The following B4GALT1 variants were observed in gnomAD, a reference collection of about 807,000 sequenced individuals.
B4GALT1 encodes the protein N-acetyllactosamine synthase.
In B4GALT1, 16 loss-of-function variants were observed where a neutral mutation model predicts 34.9. That is an observed-to-expected ratio of 0.46 (90% confidence interval 0.31 to 0.70). B4GALT1 has a LOEUF of 0.70. Ranked by LOEUF, B4GALT1 falls within the 30% of genes least tolerant of loss-of-function variation. The pLI is 0.05. For synonymous variants in B4GALT1, 221 were observed against 218.1 expected, an observed-to-expected ratio of 1.01 and a Z score of -0.12; for missense variants, 445 against 530.5, an observed-to-expected ratio of 0.84 and a Z score of 1.58.
chr9:33,174,984 AAAAAAAATATATATATATAT>A, the B4GALT1 span, among the ~76,000 whole-genome samples: 1 of 14,880 alleles, frequency 6.7e-5, no homozygotes, highest in Non-Finnish European at 1.5e-4. Context: ...AAAAAAAAAA[AAAAAAAATATATATATATAT>A]ATATATATAT....
chr9:33,175,255 G>A, the B4GALT1 span, among the ~76,000 whole-genome samples: 7 of 151,376 alleles, frequency 4.6e-5, no homozygotes, highest in Admixed American at 4.6e-4. Flanking sequence ...TGAAGTTATA[G>A]TAAGCTATGA....
At chr9:33,152,600 G>A (rs1027553458) in intron 1 of B4GALT1, among the ~76,000 whole-genome samples, 4 of 151,516 alleles carry the variant, frequency 2.6e-5, no homozygotes, top group African/African-American at 4.8e-5. Context: ...AAGTCAGCTG[G>A]GCACAGTGGC....
downstream of B4GALT1, among the ~76,000 whole-genome samples, chr9:33,108,516 G>A (rs1276146138): frequency 6.6e-6 from 1 of 151,882 alleles, no homozygotes; most frequent in African/African-American, 2.4e-5. Context: ...CAAGTCATTT[G>A]CTCATGGTCA....
chr9:33,119,131 C>T (rs185040422), intron 3 of B4GALT1, among the ~76,000 whole-genome samples: 244 of 152,074 alleles, frequency 1.6e-3, no homozygotes, highest in African/African-American at 5.5e-3. Flanking sequence ...CAAAGTGCTG[C>T]GATTACAGGC....
intron 4 of B4GALT1, 36 bp downstream of exon 4, chr9:33,115,955 G>A (rs1266872515): frequency 6.2e-7 from 1 of 1,600,084 alleles, no homozygotes. Context: ...AGTGAAGGTT[G>A]ACAGAGGAGA....
chr9:33,183,550 C>T, the B4GALT1 span, among the ~76,000 whole-genome samples: 28 of 135,710 alleles, frequency 2.1e-4, no homozygotes, highest in East Asian at 8.7e-4. Context: ...AACGAAACAC[C>T]GCATATTCTC....
chr9:33,147,351 G>A (rs1234346887), intron 1 of B4GALT1, among the ~76,000 whole-genome samples: 2 of 149,782 alleles, frequency 1.3e-5, no homozygotes, highest in Admixed American at 1.3e-4. Context: ...AGGTTCAAGT[G>A]ATTCTCCCGC....
In B4GALT1 at chr9:33,116,124, A is replaced by G. The variant is rs896658619; in HGVS notation, c.837-11T>C. On this transcript the variant is annotated splice_polypyrimidine_tract_variant and intron_variant, in intron 3 of 5. Transcript: ENST00000379731. Reference sequence around the variant, plus strand: ...TGAACATAAGGTAGGCTGGAGGAAAAACATACACACAGAAGGAGCAGTGGT... The same window carrying G: ...TGAACATAAGGTAGGCTGGAGGAAAGACATACACACAGAAGGAGCAGTGGT... 6.2e-7 allele frequency: 1 copy of G among 1,611,984 alleles called. No homozygotes were observed. The highest frequency in any genetic ancestry group is 8.5e-7 in the Non-Finnish European group (1 of 1,178,766).
chr9:33,152,570 G>A (rs1840536705), intron 1 of B4GALT1, among the ~76,000 whole-genome samples: 1 of 150,958 alleles, frequency 6.6e-6, no homozygotes, highest in Admixed American at 6.6e-5. Flanking sequence ...AAAAAAAAAG[G>A]GTTAAAAAAA....
chr9:33,140,263 G>A (rs1268374931), intron 1 of B4GALT1, among the ~76,000 whole-genome samples: 2 of 152,196 alleles, frequency 1.3e-5, no homozygotes, highest in Admixed American at 6.5e-5. Flanking sequence ...CCAGTGGGTC[G>A]AAAGAAGCGT....
rs1181807757 is a variant in B4GALT1, at chr9:33,167,313, C to G, written c.-144G>C. The G allele has an allele frequency of 1.8e-6, 2 of 1,100,930 alleles. No homozygotes were observed. The highest frequency in any genetic ancestry group is 1.7e-5 in the African/African-American group (1 of 59,866). 68.2% of individuals were successfully genotyped at this position (1,100,930 alleles called of 1,614,324 possible). On this transcript the variant is annotated 5_prime_UTR_variant, in exon 1 of 6. Coordinates refer to ENST00000379731, the MANE Select transcript of B4GALT1 (RefSeq NM_001497.4). ...GGCGAGCGGCTGAGAGCTGAGACTC[C>G]TCCAGCCAGCCAGACCTGGGAGCGG... is the stretch of plus-strand genomic sequence containing the variant.
rs192607601 is a variant in B4GALT1 at position 33,134,103 on chromosome 9, C to T, written c.648+1086G>A. Among the ~76,000 whole-genome samples the T allele has an allele frequency of 2.3e-4, 35 of 152,250 alleles. No individual in the cohort carries two copies. In the South Asian group the frequency reaches 6.0e-3, roughly 26 times the overall value. ...CTTGCCAGAAGTGGGTTGGAGGCTT[C>T]GGGACAGGGCAGGACTGAGACCTTA... On this transcript the variant is annotated intron_variant, in intron 2 of 5. Transcript: ENST00000379731.
At chr9:33,182,145 T>C in the B4GALT1 span, among the ~76,000 whole-genome samples, 4 of 152,178 alleles carry the variant, frequency 2.6e-5, no homozygotes, top group African/African-American at 9.7e-5. Flanking sequence ...CTTTCTTGCC[T>C]CTTCTAGCTT....
intron 2 of B4GALT1, among the ~76,000 whole-genome samples, chr9:33,121,784 G>A (rs1390426536): frequency 6.6e-6 from 1 of 150,648 alleles, no homozygotes; most frequent in Non-Finnish European, 1.5e-5. Context: ...CTGGTTGGCT[G>A]AATGAATGAA....
intron 1 of B4GALT1, among the ~76,000 whole-genome samples, chr9:33,159,115 T>C (rs1049339044): frequency 6.6e-6 from 1 of 152,142 alleles, no homozygotes; most frequent in African/African-American, 2.4e-5. Context: ...CCACATCCTT[T>C]CCTGTTTCTT....
chr9:33,148,874 A>G (rs1256816010), intron 1 of B4GALT1, among the ~76,000 whole-genome samples: 1 of 151,962 alleles, frequency 6.6e-6, no homozygotes, highest in African/African-American at 2.4e-5. Flanking sequence ...AGGAACCTCT[A>G]AAGAGGAATC....
chr9:33,153,060 C>A (rs1278874285), intron 1 of B4GALT1, among the ~76,000 whole-genome samples: 1 of 152,036 alleles, frequency 6.6e-6, no homozygotes, highest in Non-Finnish European at 1.5e-5. Flanking sequence ...AAAAGAAAGA[C>A]AGATGGCCAA....
chr9:33,166,722 C>G, intron 1 of B4GALT1, 36 bp downstream of exon 1: 1 of 1,483,586 alleles, frequency 6.7e-7, no homozygotes, highest in East Asian at 2.4e-5. Flanking sequence ...CCGGGGGGGT[C>G]CCAATCCTCC....
the B4GALT1 span, chr9:33,178,980 T>C: frequency 6.6e-6 from 1 of 152,248 alleles, no homozygotes; most frequent in African/African-American, 2.4e-5. Flanking sequence ...CATGTGTCTC[T>C]ATTTCTTCTG....
Sources: allele counts gnomAD v4.1 joint callset (sites outside exome capture counted in the v4.1 genomes callset), GRCh38; gene constraint gnomAD v4.1.1; transcripts MANE v1.5; gene names NCBI Gene and HGNC (gene_info 2026-07-23, HGNC 2026-07-21).